MBOAT2: variants seen among roughly 807,000 people sequenced by gnomAD.
MBOAT2 encodes the protein membrane bound glycerophospholipid O-acyltransferase 2.
MBOAT2 carries 28 observed loss-of-function variants against 63.4 expected under a neutral mutation model. The observed-to-expected ratio is 0.44, with a 90% confidence interval of 0.33 to 0.61. The LOEUF (loss-of-function observed/expected upper bound fraction) is 0.61, where lower values mean the gene tolerates loss of function less well. Among genes scored for constraint, MBOAT2 ranks in the 20% least tolerant of loss-of-function variants. The pLI, the probability that MBOAT2 is intolerant of heterozygous loss-of-function variation, is 0.03. For synonymous variants in MBOAT2, 211 were observed against 215.6 expected (o/e 0.98, Z 0.19); for missense variants, 470 against 605.8 (o/e 0.78, Z 2.35).
chr2:8,894,474 T>C (rs1249296652), intron 4 of MBOAT2, among the ~76,000 whole-genome samples: 1 of 152,224 alleles, frequency 6.6e-6, no homozygotes, highest in Admixed American at 6.5e-5. Flanking sequence ...CGACCCTATT[T>C]ACAACACAGT....
chr2:9,001,102 G>T (rs1672656162), intron 1 of MBOAT2, among the ~76,000 whole-genome samples: 1 of 152,208 alleles, frequency 6.6e-6, no homozygotes, highest in South Asian at 2.1e-4. Context: ...GTCTTCAGGG[G>T]CAATAACATG....
At chr2:8,869,058 T>TA (rs1280456428) in intron 8 of MBOAT2, among the ~76,000 whole-genome samples, 1 of 152,184 alleles carries the variant, frequency 6.6e-6, no homozygotes, top group Non-Finnish European at 1.5e-5. Flanking sequence ...CTAGAATTTT[T>TA]AAAAAATAGA....
intron 1 of MBOAT2, among the ~76,000 whole-genome samples, chr2:9,000,860 CT>C (rs1337754179): frequency 1.3e-5 from 2 of 152,146 alleles, no homozygotes; most frequent in Non-Finnish European, 2.9e-5. Context: ...AACTTTTTTA[CT>C]TTATTAAGTT....
intron 2 of MBOAT2, among the ~76,000 whole-genome samples, chr2:8,955,959 T>A (rs1464083729): frequency 2.0e-5 from 3 of 152,176 alleles, no homozygotes; most frequent in Non-Finnish European, 2.9e-5. Flanking sequence ...CAATAAAAAA[T>A]TTTTCAATTA....
At chr2:8,868,634 C>G in intron 8 of MBOAT2, 85 bp from the exon 9 acceptor site, 1 of 1,066,480 alleles carries the variant, frequency 9.4e-7, no homozygotes, top group South Asian at 1.5e-5. Context: ...GTTATTATAT[C>G]TTTTATTCTT....
chr2:9,000,251 T>C (rs1672589814), intron 1 of MBOAT2, among the ~76,000 whole-genome samples: 1 of 152,256 alleles, frequency 6.6e-6, no homozygotes, highest in South Asian at 2.1e-4. Context: ...CATTTCCTGA[T>C]TTGTCTTTTT....
At chr2:8,994,428 G>T (rs1672129168) in intron 1 of MBOAT2, among the ~76,000 whole-genome samples, 1 of 152,188 alleles carries the variant, frequency 6.6e-6, no homozygotes, top group Non-Finnish European at 1.5e-5. Context: ...ACCCCGCATG[G>T]GATCTTGCCA....
At chr2:8,881,114 C>T (rs1663096214) in intron 6 of MBOAT2, among the ~76,000 whole-genome samples, 1 of 152,108 alleles carries the variant, frequency 6.6e-6, no homozygotes, top group Non-Finnish European at 1.5e-5. Flanking sequence ...CAGCTAAATC[C>T]TTGAGAAGGA....
chr2:8,903,045 G>C (rs1243188306), intron 4 of MBOAT2, among the ~76,000 whole-genome samples: 1 of 152,166 alleles, frequency 6.6e-6, no homozygotes, highest in African/African-American at 2.4e-5. Flanking sequence ...ACAGAATGCT[G>C]ATTGGTGCAT....
At chr2:8,927,616 G>A (rs551475838) in intron 3 of MBOAT2, among the ~76,000 whole-genome samples, 15 of 152,234 alleles carry the variant, frequency 9.9e-5, no homozygotes, top group African/African-American at 3.4e-4. Flanking sequence ...ATGGAGTGCC[G>A]ATGAGGCAAG....
intron 1 of MBOAT2, among the ~76,000 whole-genome samples, chr2:8,976,333 G>T (rs1230839162): frequency 6.6e-6 from 1 of 151,870 alleles, no homozygotes; most frequent in African/African-American, 2.4e-5. Flanking sequence ...AAATTCCTAT[G>T]AACTGAGAAG....
intron 1 of MBOAT2, among the ~76,000 whole-genome samples, chr2:9,001,031 AC>A (rs1672651613): frequency 6.6e-6 from 1 of 152,110 alleles, no homozygotes; most frequent in Non-Finnish European, 1.5e-5. Context: ...GCCTAGGCCC[AC>A]ACAGGGTCAG....
At chr2:8,879,070 C>T (rs926432035) in intron 6 of MBOAT2, among the ~76,000 whole-genome samples, 5 of 140,450 alleles carry the variant, frequency 3.6e-5, no homozygotes, top group African/African-American at 8.1e-5. Flanking sequence ...AGCGAGACTC[C>T]GTCTCAAAAA....
At chr2:8,896,187 C>T (rs1287181031) in intron 4 of MBOAT2, among the ~76,000 whole-genome samples, 1 of 143,938 alleles carries the variant, frequency 6.9e-6, no homozygotes, top group Non-Finnish European at 1.5e-5. Flanking sequence ...TGCAGTGAGC[C>T]GAGATCGAGC....
chr2:8,905,823 C>T (rs1473675964), intron 4 of MBOAT2, among the ~76,000 whole-genome samples: 1 of 152,218 alleles, frequency 6.6e-6, no homozygotes, highest in East Asian at 1.9e-4. Context: ...AAGTTTCCTC[C>T]TAATGGATAA....
chr2:8,955,565 C>T (rs1437494877), intron 2 of MBOAT2, among the ~76,000 whole-genome samples: 3 of 152,190 alleles, frequency 2.0e-5, no homozygotes, highest in African/African-American at 4.8e-5. Flanking sequence ...TATGTACTAT[C>T]GTGCTATTTC....
In MBOAT2 at chr2:8,928,753, G is replaced by T. The variant is rs182539697; in HGVS notation, c.299+14434C>A. ...TGTCTGACTTAATAGTAGACCAACA[G>T]ATCCTCAAATGTTTCTACTGCAAAT... On this transcript the variant is annotated intron_variant, in intron 3 of 12. Transcript: ENST00000305997. 2.6e-5 allele frequency among the ~76,000 whole-genome samples: 4 copies of T among 152,204 alleles called. No homozygotes were observed. The East Asian group carries it at 7.7e-4, about 29-fold the overall frequency.
At chr2:8,859,059 C>A (rs928991381) in intron 12 of MBOAT2, among the ~76,000 whole-genome samples, 155 bp from the exon 13 acceptor site, 4 of 152,158 alleles carry the variant, frequency 2.6e-5, no homozygotes, top group Non-Finnish European at 5.9e-5. Flanking sequence ...GGAGAAGAAA[C>A]CTGACAGTGT....
chr2:8,890,984 C>T (rs1663950949), intron 4 of MBOAT2, among the ~76,000 whole-genome samples: 1 of 152,162 alleles, frequency 6.6e-6, no homozygotes, highest in South Asian at 2.1e-4. Context: ...TCTATTACTA[C>T]AAAAAACCCA....
Sources: gnomAD v4.1 joint callset for allele counts (sites outside exome capture counted in the v4.1 genomes callset) on GRCh38, gnomAD v4.1.1 for gene constraint, MANE v1.5 for transcripts, NCBI Gene and HGNC (gene_info 2026-07-23, HGNC 2026-07-21) for gene names.